DOCK1: variants seen among roughly 807,000 people sequenced by gnomAD.
DOCK1 encodes the protein dedicator of cytokinesis 1.
A neutral mutation model predicts 262.7 loss-of-function variants in DOCK1; 138 were observed. The ratio of observed to expected loss-of-function variants is 0.53; its 90% CI spans 0.46 to 0.61. The LOEUF is 0.61. DOCK1 is among the 20% of genes least tolerant of loss of function. DOCK1 has a pLI of 0.00. For missense variants in DOCK1, 1,908 were observed against 2,370.7 expected (o/e 0.80, Z 4.05); for synonymous variants, 866 against 867.4 (o/e 1.00, Z 0.03).
chr10:127,245,518 C>A (rs1465912659), intron 27 of DOCK1, among the ~76,000 whole-genome samples: 1 of 152,170 alleles, frequency 6.6e-6, no homozygotes, highest in Non-Finnish European at 1.5e-5. Context: ...GACTTCCCCA[C>A]GGGGCATTTA....
intron 27 of DOCK1, among the ~76,000 whole-genome samples, chr10:127,173,516 GTTC>G (rs1353930583): frequency 2.0e-5 from 3 of 152,092 alleles, no homozygotes; most frequent in Non-Finnish European, 4.4e-5. Context: ...GCCCTCTCAG[GTTC>G]TTCTTTGGGC....
At chr10:126,918,955 C>CGGGGG (rs1554955665) in intron 1 of DOCK1, among the ~76,000 whole-genome samples, 2 of 149,636 alleles carry the variant, frequency 1.3e-5, no homozygotes, top group Non-Finnish European at 3.0e-5. Flanking sequence ...CAGATGGGCA[C>CGGGGG]AGAGGATTTG....
chr10:127,387,402 T>C (rs996374563), intron 38 of DOCK1, among the ~76,000 whole-genome samples: 5 of 152,214 alleles, frequency 3.3e-5, no homozygotes, highest in Admixed American at 3.3e-4. Context: ...AATCTGGGCA[T>C]GATTGGCATT....
intron 27 of DOCK1, among the ~76,000 whole-genome samples, chr10:127,129,509 A>G (rs2050175217): frequency 1.3e-5 from 2 of 152,160 alleles, no homozygotes; most frequent in South Asian, 4.1e-4. Context: ...TTTGGAACAC[A>G]TTAATATGGA....
intron 23 of DOCK1, among the ~76,000 whole-genome samples, chr10:127,082,248 C>T (rs181917107): frequency 2.6e-5 from 4 of 152,276 alleles, no homozygotes; most frequent in African/African-American, 9.6e-5. Context: ...AATATTAAGC[C>T]ATACTCAGTC....
intron 29 of DOCK1, among the ~76,000 whole-genome samples, chr10:127,274,946 C>T (rs2060692565): frequency 6.6e-6 from 1 of 152,064 alleles, no homozygotes; most frequent in East Asian, 1.9e-4. Flanking sequence ...TCAATTTCAC[C>T]CCCTTAGTGG....
chr10:127,391,207 C>T (rs2066457077), intron 38 of DOCK1, among the ~76,000 whole-genome samples: 1 of 152,164 alleles, frequency 6.6e-6, no homozygotes, highest in African/African-American at 2.4e-5. Context: ...ATCACAAGCA[C>T]CAAGATATGA....
chr10:127,305,244 A>AT (rs1442482653), intron 29 of DOCK1, among the ~76,000 whole-genome samples: 9 of 152,072 alleles, frequency 5.9e-5, no homozygotes, highest in African/African-American at 2.2e-4. Context: ...GAATTACGTA[A>AT]TTATAGTAGC....
chr10:127,017,714 G>T (rs2042106955), intron 12 of DOCK1, among the ~76,000 whole-genome samples: 1 of 152,216 alleles, frequency 6.6e-6, no homozygotes, highest in Non-Finnish European at 1.5e-5. Flanking sequence ...GTGGGGGGAA[G>T]CAAGCAGGCA....
intron 27 of DOCK1, among the ~76,000 whole-genome samples, chr10:127,168,217 A>G (rs904135163): frequency 2.7e-4 from 41 of 152,204 alleles, no homozygotes; most frequent in Non-Finnish European, 5.6e-4. Flanking sequence ...GGAAGAACCA[A>G]GTGCATGGGA....
In DOCK1 at chr10:127,271,198, A is replaced by G. The variant is rs796305152; in HGVS notation, c.3044+13769A>G. Among the ~76,000 whole-genome samples the G allele has an allele frequency of 5.3e-5, 8 of 152,272 alleles. 1 individual carries two copies. Among genetic ancestry groups the G allele is most frequent in the African/African-American group, 1.4e-4 (6 of 41,560 alleles). ...ATGTCTTTTGAAGACACTTGCAGAAAGAACCTGAATGGACTCACCTGCTGG... is the reference window on the plus strand; with the variant it reads ...ATGTCTTTTGAAGACACTTGCAGAAGGAACCTGAATGGACTCACCTGCTGG... On this transcript the variant is annotated intron_variant, in intron 29 of 51. Coordinates refer to ENST00000623213, the MANE Select transcript of DOCK1 (RefSeq NM_001290223.2).
intron 6 of DOCK1, among the ~76,000 whole-genome samples, chr10:126,992,783 CACACAG>C (rs1565039834): frequency 2.3e-5 from 3 of 127,954 alleles, no homozygotes; most frequent in Non-Finnish European, 5.2e-5. Flanking sequence ...CAGACACACA[CACACAG>C]ACACACACAC....
Position 127,386,445 on chromosome 10 carries a change from C to T in DOCK1, c.3927+1536C>T, listed in dbSNP as rs572401269. On this transcript the variant is annotated intron_variant, in intron 38 of 51. Coordinates refer to ENST00000623213, the MANE Select transcript of DOCK1 (RefSeq NM_001290223.2). ...ATCTGTGTTTACAGCCGTTCCCCAT[C>T]GCCCGCATTACCACCTGAGCTCCAC... Among the ~76,000 whole-genome samples the T allele has an allele frequency of 6.6e-5, 10 of 152,128 alleles. No individual in the cohort carries two copies. The East Asian group carries it at 9.7e-4, about 15-fold the overall frequency.
intron 31 of DOCK1, 127 bp downstream of exon 31, chr10:127,343,873 T>A: frequency 1.3e-6 from 1 of 768,026 alleles, no homozygotes; most frequent in Non-Finnish European, 2.1e-6. Flanking sequence ...AAAGGGTGGT[T>A]TTAAATCACC....
At chr10:127,007,486 C>T (rs1426842878) in intron 10 of DOCK1, 1 of 152,234 alleles carries the variant, frequency 6.6e-6, no homozygotes. Flanking sequence ...AAGGCATCTT[C>T]CTCTCAAGTC....
chr10:127,290,632 G>C (rs1320005471), intron 29 of DOCK1, among the ~76,000 whole-genome samples: 5 of 152,082 alleles, frequency 3.3e-5, no homozygotes. Flanking sequence ...TTCTTTATCT[G>C]CGTAACTTTT....
In DOCK1 at chr10:126,920,510, C is replaced by T. The variant is rs542690786; in HGVS notation, c.46+14947C>T. On this transcript the variant is annotated intron_variant, in intron 1 of 51. Coordinates refer to ENST00000623213, the MANE Select transcript of DOCK1 (RefSeq NM_001290223.2). Reference sequence around the variant, plus strand: ...GTAAAATGAGGGTCCTGCCACCAGTCTTTTCTGCTCCCAAATGCAGTAATG... The same window carrying T: ...GTAAAATGAGGGTCCTGCCACCAGTTTTTTCTGCTCCCAAATGCAGTAATG... 7.9e-5 allele frequency among the ~76,000 whole-genome samples: 12 copies of T among 152,282 alleles called. No homozygotes were observed. The South Asian group carries it at 2.5e-3, about 32-fold the overall frequency.
At chr10:127,353,796 A>T (rs1308693684) in intron 31 of DOCK1, among the ~76,000 whole-genome samples, 1 of 152,154 alleles carries the variant, frequency 6.6e-6, no homozygotes, top group Non-Finnish European at 1.5e-5. Flanking sequence ...TTAGGGCACC[A>T]GAGTCTTCTC....
chr10:127,250,668 T>C (rs901052693), intron 28 of DOCK1, among the ~76,000 whole-genome samples: 3 of 151,450 alleles, frequency 2.0e-5, no homozygotes, highest in African/African-American at 7.3e-5. Flanking sequence ...GGGGGGCACC[T>C]GTAATCCCAG....
Sources: gnomAD v4.1 joint callset for allele counts (sites outside exome capture counted in the v4.1 genomes callset) on GRCh38, gnomAD v4.1.1 for gene constraint, MANE v1.5 for transcripts, NCBI Gene and HGNC (gene_info 2026-07-23, HGNC 2026-07-21) for gene names.